The following H6PD variants were observed in gnomAD, a reference collection of about 807,000 sequenced individuals.
H6PD encodes the protein hexose-6-phosphate dehydrogenase/glucose 1-dehydrogenase.
In H6PD, 48 loss-of-function variants were observed where a neutral mutation model predicts 61.2. The observed-to-expected ratio is 0.78, with a 90% CI of 0.62 to 1.00. The LOEUF (loss-of-function observed/expected upper bound fraction) is 1.00. H6PD is among the 50% of genes least tolerant of loss of function. The probability of loss-of-function intolerance (pLI) is 0.00; values close to 1 mark genes in which losing one functional copy is unlikely to be tolerated. For missense variants in H6PD, 1,093 were observed against 1,065.0 expected, an observed-to-expected ratio of 1.03 and a Z score of -0.37; for synonymous variants, 480 against 457.9, an observed-to-expected ratio of 1.05 and a Z score of -0.62.
rs1166049602 is a variant in H6PD, at chr1:9,268,304, C to T, written c.*3435C>T. 6.6e-6 allele frequency: 1 copy of T among 151,232 alleles called. No individual in the cohort carries two copies. Among genetic ancestry groups the T allele is most frequent in the South Asian group, 2.1e-4 (1 of 4,782 alleles). The allele number at this position is 151,232 out of a possible 1,614,324, so 9.4% of individuals were successfully genotyped here. A position where few individuals can be genotyped will look rare whatever the true frequency, so the allele number is the denominator to read the frequency against. ...GCCCAGGGAGCAGCCCCGCTCAGAACCCAAGTCCCAAGTTCCAGCACTGTG... is the reference window on the plus strand; with the variant it reads ...GCCCAGGGAGCAGCCCCGCTCAGAATCCAAGTCCCAAGTTCCAGCACTGTG... On this transcript the variant is annotated 3_prime_UTR_variant, in exon 5 of 5. Transcript: ENST00000377403.
chr1:9,239,912 C>A, intron 1 of H6PD: 1 of 958,550 alleles, frequency 1.0e-6, no homozygotes, highest in Non-Finnish European at 1.4e-6. Context: ...TGTATGGGGA[C>A]AGCTGCACGC....
intron 1 of H6PD, among the ~76,000 whole-genome samples, chr1:9,236,771 A>G (rs528487082): frequency 9.9e-4 from 150 of 151,872 alleles, no homozygotes; most frequent in Non-Finnish European, 1.3e-3. Flanking sequence ...TTGTTTTCCC[A>G]TTCTGTGGTT....
intron 3 of H6PD, among the ~76,000 whole-genome samples, chr1:9,247,776 A>G (rs534786261): frequency 4.1e-4 from 63 of 152,160 alleles, no homozygotes; most frequent in Non-Finnish European, 8.2e-4. Flanking sequence ...TGGCCTCAGC[A>G]TGTCACTCCT....
intron 4 of H6PD, among the ~76,000 whole-genome samples, chr1:9,262,993 G>A (rs1638381042): frequency 6.6e-6 from 1 of 152,130 alleles, no homozygotes; most frequent in Admixed American, 6.5e-5. Flanking sequence ...CCTGGCTCTT[G>A]CCACCAGGCC....
chr1:9,241,957 G>A (rs1447613699), intron 1 of H6PD, among the ~76,000 whole-genome samples: 4 of 152,294 alleles, frequency 2.6e-5, no homozygotes, highest in East Asian at 3.9e-4. Flanking sequence ...GGCACACGCC[G>A]ACTACTTGGT....
intron 1 of H6PD, chr1:9,239,974 C>T: frequency 8.1e-7 from 1 of 1,231,336 alleles, no homozygotes; most frequent in Non-Finnish European, 1.0e-6. Flanking sequence ...TGATCCAAAC[C>T]CCCTGGCCCC....
chr1:9,257,953 A>G (rs1315020197), intron 3 of H6PD, among the ~76,000 whole-genome samples: 3 of 152,350 alleles, frequency 2.0e-5, no homozygotes, highest in Admixed American at 6.5e-5. Context: ...AGTCACCGAT[A>G]ATCAGTGCTC....
chr1:9,265,142 C>T lies in H6PD; in HGVS notation c.*273C>T, dbSNP rs1267706290. ...CCAGGAGAGAAGTCTTAAGAAAAGA[C>T]CTCCAGCAGTTACACATTCATATCA... On this transcript the variant is annotated 3_prime_UTR_variant, in exon 5 of 5. Transcript: ENST00000377403. The T allele has an allele frequency of 1.8e-6, 1 of 554,294 alleles. No homozygotes were observed. 34.3% of individuals were successfully genotyped at this position (554,294 alleles called of 1,614,324 possible). A position where few individuals can be genotyped will look rare whatever the true frequency, so the allele number is the denominator to read the frequency against.
chr1:9,269,702 A>G lies in H6PD; in HGVS notation c.*4833A>G, dbSNP rs1265333375. On this transcript the variant is annotated 3_prime_UTR_variant, in exon 5 of 5. Transcript: ENST00000377403. The surrounding 1 kb of genome is among the most constrained non-coding windows in gnomAD (Gnocchi z 4.3). Reference sequence around the variant, plus strand: ...TGGGCAGTCTCCCTATAAAACAAAAACCCCACCTTCTGTGCCTTCTGCTTT... The same window carrying G: ...TGGGCAGTCTCCCTATAAAACAAAAGCCCCACCTTCTGTGCCTTCTGCTTT... The G allele has an allele frequency of 2.6e-5, 4 of 151,544 alleles. No individual in the cohort carries two copies. The highest frequency in any genetic ancestry group is 1.3e-4 in the Admixed American group (2 of 15,218). 9.4% of individuals were successfully genotyped at this position (151,544 alleles called of 1,614,324 possible). A position where few individuals can be genotyped will look rare whatever the true frequency, so the allele number is the denominator to read the frequency against.
rs369320775 is a variant in H6PD at position 9,267,583 on chromosome 1, A to G, written c.*2714A>G. On this transcript the variant is annotated 3_prime_UTR_variant, in exon 5 of 5. Coordinates refer to ENST00000377403, the MANE Select transcript of H6PD (RefSeq NM_004285.4). ...AACTCAGCCCTGCCTCGGATGCACC[A>G]CCGATCTGTGCAGAGTGGGTGTGGG... 1.8e-4 allele frequency: 27 copies of G among 152,264 alleles called. No homozygotes were observed. Among genetic ancestry groups the G allele is most frequent in the African/African-American group, 6.5e-4 (27 of 41,552 alleles). The allele number at this position is 152,264 out of a possible 1,614,324, so 9.4% of individuals were successfully genotyped here. A position where few individuals can be genotyped will look rare whatever the true frequency, so the allele number is the denominator to read the frequency against.
intron 4 of H6PD, 107 bp from the exon 5 acceptor site, chr1:9,263,402 C>A: frequency 9.4e-7 from 1 of 1,067,288 alleles, no homozygotes; most frequent in Non-Finnish European, 1.4e-6. Context: ...CGAGGGGCTT[C>A]CCTGAGGCAG....
chr1:9,263,899 G>A lies in H6PD; in HGVS notation c.1406G>A (p.Arg469Gln), dbSNP rs113495544. 770 of 1,614,116 alleles carry A rather than the reference G, an allele frequency of 4.8e-4. 2 individuals are homozygous for A. The highest frequency in any genetic ancestry group is 2.2e-3 in the South Asian group (200 of 91,088). ...CTCTTATCCCATATCTTCCATGGCC[G>A]GAAGAATTTCTTCATCACCACAGAG... is the stretch of plus-strand genomic sequence containing the variant. The part of the protein sequence containing the change: ...SVLLSHIFHG[R>Q]KNFFITTENL... Residue 469 changes from arginine (R) to glutamine (Q), a missense_variant, in exon 5 of 5, where the codon CGG becomes CAG. Coordinates refer to ENST00000377403, the MANE Select transcript of H6PD (RefSeq NM_004285.4).
Position 9,267,521 on chromosome 1 carries a change from A to G in H6PD, c.*2652A>G, listed in dbSNP as rs1303774807. The G allele has an allele frequency of 6.6e-6, 1 of 152,286 alleles. No homozygotes were observed. The highest frequency in any genetic ancestry group is 2.4e-5 in the African/African-American group (1 of 41,442). 9.4% of individuals were successfully genotyped at this position (152,286 alleles called of 1,614,324 possible). A position where few individuals can be genotyped will look rare whatever the true frequency, so the allele number is the denominator to read the frequency against. ...GGCCCTTGATGTGCCATTTCTGAAT[A>G]ATAGTCACTGCCGCCGAGTCTAGGA... is the stretch of plus-strand genomic sequence containing the variant. On this transcript the variant is annotated 3_prime_UTR_variant, in exon 5 of 5. Transcript: ENST00000377403.
rs1638518614 is a variant in H6PD at position 9,265,277 on chromosome 1, C to T, written c.*408C>T. 1 of 356,838 alleles carries T rather than the reference C, an allele frequency of 2.8e-6. No individual in the cohort carries two copies. The highest frequency in any genetic ancestry group is 2.2e-5 in the South Asian group (1 of 44,502). 22.1% of individuals were successfully genotyped at this position (356,838 alleles called of 1,614,324 possible). Reference sequence around the variant, plus strand: ...TTTCCTGGGGGAGGTGATCCTTGAACTGGCTCCCGGGGAACATTCAGAGCA... The same window carrying T: ...TTTCCTGGGGGAGGTGATCCTTGAATTGGCTCCCGGGGAACATTCAGAGCA... On this transcript the variant is annotated 3_prime_UTR_variant, in exon 5 of 5. Transcript: ENST00000377403.
intron 3 of H6PD, among the ~76,000 whole-genome samples, chr1:9,247,785 CT>C (rs1641231695): frequency 2.0e-5 from 3 of 152,216 alleles, no homozygotes; most frequent in African/African-American, 7.2e-5. Context: ...CATGTCACTC[CT>C]TGCAGCTGTG....
intron 3 of H6PD, among the ~76,000 whole-genome samples, chr1:9,248,617 T>C (rs1239633074): frequency 7.2e-6 from 1 of 139,542 alleles, no homozygotes; most frequent in Non-Finnish European, 1.5e-5. Context: ...GGGAGCATAG[T>C]GAGCCTCCGT....
rs1447111071 is a variant in H6PD at position 9,264,789 on chromosome 1, A to G, written c.2296A>G (p.Lys766Glu). Residue 766 changes from lysine (K) to glutamate (E), a missense_variant, in exon 5 of 5, where the codon AAG becomes GAG. Lys to Glu is a moderately conservative substitution (Grantham distance 56, BLOSUM62 1). Transcript: ENST00000377403. ...GGTGAGCCGGGTGGGCCATGAGCCCAAGAAGTGGCCCATCTCGGGTGTCCT... is the reference window on the plus strand; with the variant it reads ...GGTGAGCCGGGTGGGCCATGAGCCCGAGAAGTGGCCCATCTCGGGTGTCCT... Reference protein sequence around the residue: ...TLVSRVGHEPKKWPISGVLPH... With the variant: ...TLVSRVGHEPEKWPISGVLPH... 2 of 1,613,086 alleles carry G rather than the reference A, an allele frequency of 1.2e-6. No individual in the cohort carries two copies. Among genetic ancestry groups the G allele is most frequent in the Admixed American group, 3.3e-5 (2 of 60,030 alleles).
intron 1 of H6PD, among the ~76,000 whole-genome samples, chr1:9,241,154 T>A (rs865821597): frequency 7.2e-5 from 11 of 152,284 alleles, no homozygotes; most frequent in Middle Eastern, 3.4e-3. Context: ...CTGAGAGCAA[T>A]GGTATACTAC....
At position 9,263,582 on chromosome 1, in the gene H6PD, C is replaced by T. The variant is rs770012834; in HGVS notation, c.1089C>T (p.Asp363=). The change falls in exon 5 of 5, where the codon GAC becomes GAT. Residue 363 remains aspartate (D), a synonymous_variant. Transcript: ENST00000377403. ...PFILMSGKAL[D]ERVGYARILF... ...TCCTGATGTCTGGCAAAGCCTTGGA[C>T]GAGAGAGTGGGCTACGCTCGGATCT... 6.2e-6 allele frequency: 10 copies of T among 1,614,026 alleles called. No individual in the cohort carries two copies. The highest frequency in any genetic ancestry group is 1.6e-4 in the Middle Eastern group (1 of 6,084).
Sources: allele counts gnomAD v4.1 joint callset (sites outside exome capture counted in the v4.1 genomes callset), GRCh38; gene constraint gnomAD v4.1.1; non-coding constraint Gnocchi (gnomAD v3.1); transcripts MANE v1.5; gene names NCBI Gene and HGNC (gene_info 2026-07-23, HGNC 2026-07-21).